Variants in ZC3H12B observed in about 807,000 individuals in gnomAD.
ZC3H12B encodes the protein zinc finger CCCH-type containing 12B.
In ZC3H12B, 7 loss-of-function variants were observed where a neutral mutation model predicts 43.9. The observed-to-expected ratio is 0.16, with a 90% confidence interval of 0.09 to 0.30. The LOEUF is 0.30. ZC3H12B is among the 10% of genes least tolerant of loss of function. ZC3H12B has a pLI of 1.00. For synonymous variants in ZC3H12B, 222 were observed against 241.7 expected, an observed-to-expected ratio of 0.92 and a Z score of 0.76; for missense variants, 475 against 670.2, an observed-to-expected ratio of 0.71 and a Z score of 3.22.
the ZC3H12B span, chrX:65,356,967 G>T: frequency 1.1e-5 from 5 of 472,235 alleles, no homozygotes; most frequent in South Asian, 1.3e-4. Context: ...TGATAGGTTT[G>T]TGATCCAACA....
At chrX:65,132,221 A>G in the ZC3H12B span, among the ~76,000 whole-genome samples, 1 of 111,783 alleles carries the variant, frequency 8.9e-6, no homozygotes, top group Non-Finnish European at 1.9e-5. Flanking sequence ...GGATAGGCAA[A>G]ACAATTTGGT....
chrX:65,395,614 A>T (rs753896864), intron 2 of ZC3H12B, among the ~76,000 whole-genome samples: 1 of 111,817 alleles, frequency 8.9e-6, no homozygotes, highest in African/African-American at 3.2e-5. Context: ...TTTTCACATC[A>T]ATGTTCATCA....
the ZC3H12B span, among the ~76,000 whole-genome samples, chrX:65,138,886 T>A: frequency 1.8e-5 from 2 of 112,291 alleles, no homozygotes; most frequent in African/African-American, 6.5e-5. Context: ...CTGAATGCCT[T>A]CCTTTGAGAA....
intron 3 of ZC3H12B, among the ~76,000 whole-genome samples, chrX:65,454,715 G>T (rs1352690308): frequency 1.8e-5 from 2 of 111,745 alleles, no homozygotes; most frequent in African/African-American, 6.5e-5. Flanking sequence ...TAGCCTAACT[G>T]GGAGGCACAC....
At chrX:65,186,504 A>AC in the ZC3H12B span, 5 of 109,032 alleles carry the variant, frequency 4.6e-5, no homozygotes, top group African/African-American at 1.7e-4. Context: ...AAAAAAAAAA[A>AC]AAAGTGTCAG....
chrX:65,192,255 T>A, the ZC3H12B span, among the ~76,000 whole-genome samples: 2 of 111,418 alleles, frequency 1.8e-5, no homozygotes, highest in African/African-American at 6.5e-5. Flanking sequence ...TGTGGTGTGG[T>A]GCTGAAAAAA....
At chrX:65,134,614 G>A in the ZC3H12B span, among the ~76,000 whole-genome samples, 5 of 111,522 alleles carry the variant, frequency 4.5e-5, no homozygotes, top group Admixed American at 4.7e-4. Context: ...GTTGGTCTGA[G>A]GACCCAAGGT....
the ZC3H12B span, among the ~76,000 whole-genome samples, chrX:65,178,771 G>A: frequency 8.9e-6 from 1 of 112,163 alleles, no homozygotes; most frequent in Admixed American, 9.4e-5. Context: ...ACAGATGCTG[G>A]AGAGGATGTG....
chrX:65,317,853 A>C, the ZC3H12B span, among the ~76,000 whole-genome samples: 8 of 96,925 alleles, frequency 8.3e-5, no homozygotes, highest in Non-Finnish European at 1.2e-4. Context: ...CGCACACACT[A>C]TATATATATA....
the ZC3H12B span, among the ~76,000 whole-genome samples, chrX:65,159,518 C>A: frequency 9.0e-6 from 1 of 110,664 alleles, no homozygotes; most frequent in East Asian, 2.9e-4. Flanking sequence ...ATTTTATTCT[C>A]TTTGAAGCAA....
the ZC3H12B span, among the ~76,000 whole-genome samples, chrX:65,119,745 G>C: frequency 7.2e-5 from 8 of 111,822 alleles, no homozygotes; most frequent in South Asian, 3.0e-3. Flanking sequence ...GAATGGTATT[G>C]CCTAGGTTTT....
At chrX:65,372,012 C>A (rs1050943357) in intron 2 of ZC3H12B, among the ~76,000 whole-genome samples, 40 of 111,521 alleles carry the variant, frequency 3.6e-4, no homozygotes, top group African/African-American at 1.3e-3. Flanking sequence ...GCTTGTTATT[C>A]GTGTCATAGC....
intron 2 of ZC3H12B, among the ~76,000 whole-genome samples, chrX:65,375,215 A>G (rs1427810663): frequency 1.8e-5 from 2 of 112,283 alleles, no homozygotes; most frequent in Non-Finnish European, 3.8e-5. Context: ...AAAGCAAAAC[A>G]GGACTGAACT....
At chrX:65,214,544 G>A in the ZC3H12B span, among the ~76,000 whole-genome samples, 3 of 111,535 alleles carry the variant, frequency 2.7e-5, no homozygotes, top group East Asian at 5.6e-4. Flanking sequence ...TTTACCATGA[G>A]ACTGCAGCAA....
At chrX:65,201,704 G>A in the ZC3H12B span, among the ~76,000 whole-genome samples, 28 of 102,205 alleles carry the variant, frequency 2.7e-4, no homozygotes, top group South Asian at 0.01. Flanking sequence ...TGGTGCCTTA[G>A]TTTGTTTGTT....
chrX:65,175,192 C>A, the ZC3H12B span, among the ~76,000 whole-genome samples: 1 of 110,762 alleles, frequency 9.0e-6, no homozygotes, highest in Non-Finnish European at 1.9e-5. Flanking sequence ...CTTCTGCTTA[C>A]CCTCCGTGGG....
chrX:65,323,871 T>C, the ZC3H12B span, among the ~76,000 whole-genome samples: 1 of 112,305 alleles, frequency 8.9e-6, no homozygotes, highest in Admixed American at 9.4e-5. Flanking sequence ...TCCTGACTTT[T>C]TAATGATTGC....
Position 65,371,158 on chromosome X carries a change from A to AT in ZC3H12B, n.295+2161dup, listed in dbSNP as rs1230407868. Among the ~76,000 whole-genome samples, 6 of 111,871 alleles carry AT rather than the reference A, an allele frequency of 5.4e-5. No homozygotes were observed. The East Asian group carries it at 1.7e-3, about 31-fold the overall frequency. The stretch of plus-strand genomic sequence containing the variant: ...ATACCTCAAAAGGAAAAAGAAAAAA[A>AT]TGCACAAATTATTTCTCTGTTGTGA... On this transcript the variant is annotated intron_variant and non_coding_transcript_variant, in intron 2 of 5. Transcript: ENST00000617377.
the ZC3H12B span, among the ~76,000 whole-genome samples, chrX:65,352,138 T>TA: frequency 8.9e-6 from 1 of 112,276 alleles, no homozygotes; most frequent in African/African-American, 3.2e-5. Flanking sequence ...TATGCAGCCA[T>TA]AAAAAATGAT....
Sources: gnomAD v4.1 joint callset for allele counts (sites outside exome capture counted in the v4.1 genomes callset) on GRCh38, gnomAD v4.1.1 for gene constraint, MANE v1.5 for transcripts, NCBI Gene and HGNC (gene_info 2026-07-23, HGNC 2026-07-21) for gene names.